Variants in SECISBP2 observed in about 807,000 individuals in gnomAD.
The protein encoded by SECISBP2 is SECIS binding protein 2, also known as selenocysteine insertion sequence-binding protein 2.
SECISBP2 carries 96 observed loss-of-function variants against 98.2 expected under a neutral mutation model. The ratio of observed to expected loss-of-function variants is 0.98; its 90% CI spans 0.83 to 1.16. The LOEUF (loss-of-function observed/expected upper bound fraction) is 1.16, where lower values mean the gene tolerates loss of function less well. Among genes scored for constraint, SECISBP2 ranks in the 50% most tolerant of loss-of-function variants. The pLI, the probability that SECISBP2 is intolerant of heterozygous loss-of-function variation, is 0.00. For missense variants in SECISBP2, 1,046 were observed against 1,022.9 expected (o/e 1.02, Z -0.31); for synonymous variants, 407 against 370.2 (o/e 1.10, Z -1.14).
At chr9:89,353,298 G>C (rs980045321) in intron 14 of SECISBP2, among the ~76,000 whole-genome samples, 2 of 152,180 alleles carry the variant, frequency 1.3e-5, no homozygotes, top group African/African-American at 4.8e-5. Flanking sequence ...CTTCCATGTT[G>C]GAAGTGCCCC....
chr9:89,332,976 A>T lies in SECISBP2; in HGVS notation c.870A>T (p.Ser290=). 2 of 1,613,676 alleles carry T rather than the reference A, an allele frequency of 1.2e-6. No homozygotes were observed. The highest frequency in any genetic ancestry group is 1.7e-6 in the Non-Finnish European group (2 of 1,179,686). Residue 290 remains serine, a synonymous_variant, in exon 6 of 17, where the codon TCA becomes TCT. Transcript: ENST00000375807. ...CTAATGCCGCTACCAATTCTCCTTCATGTACAAGAGGTAAAAGTGGCTGCA... is the reference window on the plus strand; with the variant it reads ...CTAATGCCGCTACCAATTCTCCTTCTTGTACAAGAGGTAAAAGTGGCTGCA... ...VTANAATNSP[S]CTRELSWTPM... is the part of the protein sequence containing the mutation.
intron 1 of SECISBP2, 194 bp downstream of exon 1, chr9:89,318,806 T>C: frequency 7.9e-7 from 1 of 1,269,428 alleles, no homozygotes; most frequent in South Asian, 2.3e-5. Context: ...GGTCAGCGGC[T>C]ACAGACCCCG....
chr9:89,362,285 C>A, downstream of SECISBP2: 1 of 1,580,582 alleles, frequency 6.3e-7, no homozygotes, highest in Non-Finnish European at 8.7e-7. Flanking sequence ...TCAGAGCAGG[C>A]TTGGGCAAGA....
Position 89,357,140 on chromosome 9 carries a change from A to AG in SECISBP2, c.2114-271_2114-270insG, listed in dbSNP as rs1374251390. 4.6e-5 allele frequency: 22 copies of AG among 474,650 alleles called. No homozygotes were observed. The East Asian group carries it at 9.2e-4, about 20-fold the overall frequency. 29.4% of individuals were successfully genotyped at this position (474,650 alleles called of 1,614,324 possible). On this transcript the variant is annotated intron_variant, in intron 14 of 16. Coordinates refer to ENST00000375807, the MANE Select transcript of SECISBP2 (RefSeq NM_024077.5). Reference sequence around the variant, plus strand: ...TGCCTTTTGGGATTTGGGGGAGGACACAGGAGCTAATAGGTGGTAAGTTTC... The same window carrying AG: ...TGCCTTTTGGGATTTGGGGGAGGACAGCAGGAGCTAATAGGTGGTAAGTTTC...
intron 10 of SECISBP2, among the ~76,000 whole-genome samples, chr9:89,343,235 T>C (rs541762233): frequency 4.6e-5 from 7 of 152,228 alleles, no homozygotes; most frequent in Non-Finnish European, 1.5e-5. Context: ...CAATATGTCA[T>C]AAAAAGCAAC....
intron 14 of SECISBP2, 32 bp from the exon 15 acceptor site, chr9:89,357,379 C>T: frequency 6.2e-7 from 1 of 1,612,610 alleles, no homozygotes; most frequent in Non-Finnish European, 8.5e-7. Context: ...TGTGACATGT[C>T]TTCCTGTCAT....
In SECISBP2 at chr9:89,349,759, CT is replaced by C. The variant is rs752388445; in HGVS notation, c.1739-12del. The C allele has an allele frequency of 1.2e-6, 2 of 1,613,922 alleles. No individual in the cohort carries two copies. Among genetic ancestry groups the C allele is most frequent in the Admixed American group, 1.7e-5 (1 of 60,010 alleles). On this transcript the variant is annotated splice_polypyrimidine_tract_variant and intron_variant, in intron 12 of 16. Coordinates refer to ENST00000375807, the MANE Select transcript of SECISBP2 (RefSeq NM_024077.5). ...GGGCCTCACAGATATCTGATGATGCCTTTTTCCTCCATGAAGGGCCAGAGGG... is the reference window on the plus strand; with the variant it reads ...GGGCCTCACAGATATCTGATGATGCCTTTTCCTCCATGAAGGGCCAGAGGG...
rs777288615 is a variant in SECISBP2 at position 89,349,804 on chromosome 9, C to A, written c.1767C>A (p.Ser589=). ...SGPEGMDELI[S]TPSVEDKSEE... is the part of the protein sequence containing the mutation. The stretch of plus-strand genomic sequence containing the variant: ...CAGAGGGGATGGACGAACTGATCTC[C>A]ACTCCTTCGGTTGAGGACAAGTCTG... Residue 589 remains serine, a synonymous_variant, in exon 13 of 17, where the codon TCC becomes TCA. Coordinates refer to ENST00000375807, the MANE Select transcript of SECISBP2 (RefSeq NM_024077.5). 4.3e-6 allele frequency: 7 copies of A among 1,614,062 alleles called. No homozygotes were observed. In the African/African-American group the frequency reaches 9.3e-5, roughly 22 times the overall value.
intron 1 of SECISBP2, 140 bp downstream of exon 1, chr9:89,318,752 G>A (rs779388449): frequency 1.6e-6 from 2 of 1,225,970 alleles, no homozygotes; most frequent in Non-Finnish European, 2.1e-6. Context: ...CCTACCGGGT[G>A]GCCGCGATCT....
chr9:89,332,021 C>T (rs980225445), intron 5 of SECISBP2, among the ~76,000 whole-genome samples: 2 of 151,912 alleles, frequency 1.3e-5, no homozygotes, highest in African/African-American at 2.4e-5. Flanking sequence ...ACTTTATGTA[C>T]TTATATATTT....
intron 14 of SECISBP2, 92 bp from the exon 15 acceptor site, chr9:89,357,319 T>C: frequency 7.6e-7 from 1 of 1,323,784 alleles, no homozygotes. Context: ...CATAGATGGG[T>C]GTGTTGCTAA....
chr9:89,328,634 T>C (rs1361148854), intron 4 of SECISBP2, 26 bp from the exon 5 acceptor site: 4 of 1,598,604 alleles, frequency 2.5e-6, no homozygotes, highest in Non-Finnish European at 3.4e-6. Flanking sequence ...AAATTTTTAC[T>C]CTTACTTTTA....
chr9:89,365,660 G>A, the SECISBP2 span: 1 of 152,258 alleles, frequency 6.6e-6, no homozygotes, highest in Admixed American at 6.5e-5. Flanking sequence ...ACAAATTCCA[G>A]AGCCAAAAGA....
chr9:89,318,651 G>C, intron 1 of SECISBP2, 39 bp downstream of exon 1: 1 of 1,387,070 alleles, frequency 7.2e-7, no homozygotes, highest in Non-Finnish European at 9.3e-7. Context: ...GCCTCAGTCC[G>C]TCCGCCTGCC....
intron 5 of SECISBP2, 51 bp from the exon 6 acceptor site, chr9:89,332,857 C>T (rs1292068297): frequency 5.7e-6 from 8 of 1,408,394 alleles, no homozygotes; most frequent in Non-Finnish European, 8.0e-6. Flanking sequence ...GTGTTATCTC[C>T]TTGTTTTAAT....
At chr9:89,345,286 ACTTTAAATGACCACG>A (rs1262118395) in intron 10 of SECISBP2, among the ~76,000 whole-genome samples, 2 of 152,122 alleles carry the variant, frequency 1.3e-5, no homozygotes, top group African/African-American at 2.4e-5. Context: ...TGAAATCACT[ACTTTAAATGACCACG>A]CTTTGAATGA....
chr9:89,333,909 G>A, intron 6 of SECISBP2: 1 of 399,230 alleles, frequency 2.5e-6, no homozygotes, highest in Non-Finnish European at 3.4e-6. Context: ...CTCTGAGGAT[G>A]TGTAGTTCTC....
At chr9:89,362,377 G>C, downstream of SECISBP2, 1 of 1,614,066 alleles carries the variant, frequency 6.2e-7, no homozygotes, top group Non-Finnish European at 8.5e-7. Context: ...GGTTGAGGTC[G>C]GTGTCAGGGA....
At chr9:89,344,021 G>T (rs145715159) in intron 10 of SECISBP2, among the ~76,000 whole-genome samples, 1 of 152,176 alleles carries the variant, frequency 6.6e-6, no homozygotes, top group African/African-American at 2.4e-5. Context: ...TCTGACTGAT[G>T]TGAGATGGTA....
Sources: gnomAD v4.1 joint callset for allele counts (sites outside exome capture counted in the v4.1 genomes callset) on GRCh38, gnomAD v4.1.1 for gene constraint, MANE v1.5 for transcripts, NCBI Gene and HGNC (gene_info 2026-07-23, HGNC 2026-07-21) for gene names.